Variants in MIER1 observed in about 807,000 individuals in gnomAD.
MIER1 encodes the protein mesoderm induction early response protein 1.
A neutral mutation model predicts 75.7 loss-of-function variants in MIER1; 40 were observed. The ratio of observed to expected loss-of-function variants is 0.53; its 90% CI spans 0.41 to 0.69. The LOEUF (loss-of-function observed/expected upper bound fraction) is 0.69, where lower values mean the gene tolerates loss of function less well. MIER1 is among the 30% of genes least tolerant of loss of function. The pLI is 0.00. For synonymous variants in MIER1, 213 were observed against 223.4 expected, an observed-to-expected ratio of 0.95 and a Z score of 0.42; for missense variants, 574 against 680.2, an observed-to-expected ratio of 0.84 and a Z score of 1.74.
rs1173868509 is a variant in MIER1, at chr1:66,986,021, A to G, written c.*1121A>G. ...GAATCCTGTTATTTTTATATGCATC[A>G]TAAAATTTCCCATTTCTGCATTAAA... On this transcript the variant is annotated 3_prime_UTR_variant, in exon 14 of 14. Transcript: ENST00000401041. 2 of 993,652 alleles carry G rather than the reference A, an allele frequency of 2.0e-6. No individual in the cohort carries two copies. Among genetic ancestry groups the G allele is most frequent in the African/African-American group, 1.7e-5 (1 of 57,440 alleles). The allele number at this position is 993,652 out of a possible 1,614,324, so 61.6% of individuals were successfully genotyped here.
intron 3 of MIER1, among the ~76,000 whole-genome samples, chr1:66,943,896 G>GATTAGTATACCCAGGA (rs1553243974): frequency 6.6e-6 from 1 of 152,132 alleles, no homozygotes; most frequent in African/African-American, 2.4e-5. Flanking sequence ...TAGGTGTTAG[G>GATTAGTATACCCAGGA]ATTAGTATAC....
intron 2 of MIER1, among the ~76,000 whole-genome samples, chr1:66,933,584 A>ATGT (rs113854152): frequency 2.0e-5 from 3 of 152,238 alleles, no homozygotes; most frequent in African/African-American, 7.2e-5. Context: ...ATTATGTTAA[A>ATGT]TGTTACTTAT....
chr1:66,944,105 G>A (rs1656897981), intron 3 of MIER1, among the ~76,000 whole-genome samples: 1 of 151,808 alleles, frequency 6.6e-6, no homozygotes, highest in Non-Finnish European at 1.5e-5. Context: ...CATATGGTAA[G>A]CACTCAAAAA....
rs1201265500 is a variant in MIER1 at position 66,981,936 on chromosome 1, C to CAA, written c.1369+19_1369+20insAA. The CAA allele has an allele frequency of 6.2e-7, 1 of 1,611,478 alleles. No individual in the cohort carries two copies. Among genetic ancestry groups the CAA allele is most frequent in the South Asian group, 1.1e-5 (1 of 90,712 alleles). ...TCAAAATGGTAAGCAACCAGAGAAA[C>CAA]ATTTCTCTTTCTTCATAATAAGGGA... is the stretch of plus-strand genomic sequence containing the variant. On this transcript the variant is annotated intron_variant, in intron 13 of 13. Coordinates refer to ENST00000401041, the MANE Select transcript of MIER1 (RefSeq NM_001077700.3).
chr1:66,983,213 G>A (rs1666242176), intron 13 of MIER1, among the ~76,000 whole-genome samples: 1 of 152,040 alleles, frequency 6.6e-6, no homozygotes, highest in African/African-American at 2.4e-5. Flanking sequence ...TTTTATATGG[G>A]GCTTTAATTA....
At position 66,935,552 on chromosome 1, in the gene MIER1, T is replaced by G. The variant is rs186053613; in HGVS notation, c.169-4476T>G. On this transcript the variant is annotated intron_variant, in intron 2 of 13. Transcript: ENST00000401041. The stretch of plus-strand genomic sequence containing the variant: ...AGAGGAAGAAAATGAAAATGTCTCA[T>G]AATTCCACAAGATAATCAGTTCCCA... Among the ~76,000 whole-genome samples, 208 of 152,324 alleles carry G rather than the reference T, an allele frequency of 1.4e-3. 1 individual carries two copies. Among genetic ancestry groups the G allele is most frequent in the South Asian group, 0.013 (64 of 4,834 alleles).
At chr1:66,955,977 C>T (rs1660049512) in intron 4 of MIER1, among the ~76,000 whole-genome samples, 1 of 152,172 alleles carries the variant, frequency 6.6e-6, no homozygotes, top group South Asian at 2.1e-4. Context: ...GCAAGCACTC[C>T]ATTTGGTACT....
At chr1:66,958,779 T>C (rs1197334906) in intron 5 of MIER1, 72 bp from the exon 6 acceptor site, 12 of 1,298,614 alleles carry the variant, frequency 9.2e-6, no homozygotes, top group Admixed American at 4.1e-5. Flanking sequence ...AGAACAAAAT[T>C]TATATGCTAT....
chr1:66,970,890 T>C lies in MIER1; in HGVS notation c.855T>C (p.Ser285=). Residue 285 remains serine, a synonymous_variant, in exon 9 of 14, where the codon TCT becomes TCC. Transcript: ENST00000401041. ...TGATTATATTTCTTAAAGATGCATC[T>C]AGAAGAACAGGTGATGAGAAGGGTG... ...DKVIIFLKDA[S]RRTGDEKGVE... is the part of the protein sequence containing the mutation. The C allele has an allele frequency of 6.2e-7, 1 of 1,601,386 alleles. No homozygotes were observed. The highest frequency in any genetic ancestry group is 8.5e-7 in the Non-Finnish European group (1 of 1,175,770).
intron 2 of MIER1, chr1:66,929,273 T>C (rs1304659226): frequency 1.7e-5 from 6 of 349,926 alleles, no homozygotes; most frequent in South Asian, 1.4e-4. Flanking sequence ...GTAGCCACTT[T>C]TGAAACTGCA....
intron 8 of MIER1, among the ~76,000 whole-genome samples, chr1:66,965,117 A>G (rs1662114147): frequency 6.6e-6 from 1 of 152,232 alleles, no homozygotes; most frequent in Non-Finnish European, 1.5e-5. Flanking sequence ...AGCTAGCAGT[A>G]TGGAGTGACT....
At chr1:66,925,561 C>T (rs1651440331) in intron 1 of MIER1, 3 of 985,338 alleles carry the variant, frequency 3.0e-6, no homozygotes, top group Middle Eastern at 5.2e-4. Flanking sequence ...GCCAACTTGC[C>T]CTTTTCGGAT....
At chr1:66,969,619 C>G (rs918603929) in intron 8 of MIER1, among the ~76,000 whole-genome samples, 1 of 136,516 alleles carries the variant, frequency 7.3e-6, no homozygotes, top group South Asian at 2.5e-4. Context: ...CTGTTAATTT[C>G]TTTTCATAAT....
chr1:66,958,569 G>C (rs910577611), intron 5 of MIER1, among the ~76,000 whole-genome samples: 1 of 151,880 alleles, frequency 6.6e-6, no homozygotes, highest in African/African-American at 2.4e-5. Flanking sequence ...ATTTATAAAA[G>C]GTTTAAAGTT....
intron 2 of MIER1, among the ~76,000 whole-genome samples, chr1:66,934,685 G>C (rs989076367): frequency 6.6e-6 from 1 of 151,436 alleles, no homozygotes; most frequent in Non-Finnish European, 1.5e-5. Context: ...GTGTGCCACT[G>C]TTCCCAGTCC....
chr1:66,936,567 G>A (rs769442987), intron 2 of MIER1, among the ~76,000 whole-genome samples: 15 of 151,912 alleles, frequency 9.9e-5, no homozygotes, highest in Non-Finnish European at 5.9e-5. Flanking sequence ...CTAGTTTATG[G>A]TAGTAATTAA....
Position 66,972,986 on chromosome 1 carries a change from A to G in MIER1, c.1096A>G (p.Asn366Asp). 1 of 1,579,568 alleles carries G rather than the reference A, an allele frequency of 6.3e-7. No homozygotes were observed. Among genetic ancestry groups the G allele is most frequent in the Non-Finnish European group, 8.7e-7 (1 of 1,150,064 alleles). ...YGKDFHLIQA[N>D]KVRTRSVGEC... is the part of the protein sequence containing the mutation. The stretch of plus-strand genomic sequence containing the variant: ...AAAGGATTTTCATTTGATTCAGGCT[A>G]ATAAAGTAAGTAATGATAATCTCTT... The change falls in exon 11 of 14, where the codon AAT (asparagine) becomes GAT (aspartate). Residue 366 changes from asparagine (N) to aspartate (D), a missense_variant. Coordinates refer to ENST00000401041, the MANE Select transcript of MIER1 (RefSeq NM_001077700.3).
In MIER1 at chr1:66,953,100, A is replaced by G. The variant is rs1223756095; in HGVS notation, c.340-4959A>G. The stretch of plus-strand genomic sequence containing the variant: ...AAGCTTGGGTCATGTGTCCACTCCA[A>G]ATCTACGGCCAGGGAATACAGTTAT... On this transcript the variant is annotated intron_variant, in intron 4 of 13. Coordinates refer to ENST00000401041, the MANE Select transcript of MIER1 (RefSeq NM_001077700.3). Among the ~76,000 whole-genome samples the G allele has an allele frequency of 3.9e-5, 6 of 152,202 alleles. No individual in the cohort carries two copies. In the South Asian group the frequency reaches 6.2e-4, roughly 16 times the overall value.
chr1:66,940,249 A>T, intron 3 of MIER1, 197 bp downstream of exon 3: 1 of 398,712 alleles, frequency 2.5e-6, no homozygotes. Context: ...TTCATCCTAA[A>T]AATGACTATT....
Sources: gnomAD v4.1 joint callset for allele counts (sites outside exome capture counted in the v4.1 genomes callset) on GRCh38, gnomAD v4.1.1 for gene constraint, MANE v1.5 for transcripts, NCBI Gene and HGNC (gene_info 2026-07-23, HGNC 2026-07-21) for gene names.